Variants in TRAF5 observed in about 807,000 individuals in gnomAD.
TRAF5 encodes the protein TNF receptor associated factor 5, also known as TNF receptor-associated factor 5.
In TRAF5, 48 loss-of-function variants were observed where a neutral mutation model predicts 64.5. The observed-to-expected ratio is 0.74, with a 90% confidence interval of 0.59 to 0.95. The LOEUF is 0.95. Among genes scored for constraint, TRAF5 ranks in the 40% least tolerant of loss-of-function variants. The pLI is 0.00. For synonymous variants in TRAF5, 206 were observed against 240.5 expected (o/e 0.86, Z 1.33); for missense variants, 545 against 662.8 (o/e 0.82, Z 1.95).
chr1:211,353,191 T>C, intron 1 of TRAF5, 48 bp from the exon 2 acceptor site: 2 of 1,559,670 alleles, frequency 1.3e-6, no homozygotes, highest in Non-Finnish European at 8.8e-7. Flanking sequence ...TGTGGTTGTT[T>C]CAGTGTTTGC....
chr1:211,351,110 T>C (rs542103621), intron 1 of TRAF5, among the ~76,000 whole-genome samples: 84 of 146,202 alleles, frequency 5.7e-4, no homozygotes, highest in African/African-American at 2.0e-3. Context: ...CACTGCAATC[T>C]CTGCCTCCTG....
intron 1 of TRAF5, among the ~76,000 whole-genome samples, chr1:211,349,602 T>TG (rs913636840): frequency 7.3e-4 from 111 of 152,250 alleles, no homozygotes; most frequent in African/African-American, 2.5e-3. Flanking sequence ...ATACGAATTT[T>TG]GGGGGGGACA....
At chr1:211,364,120 A>G (rs751076787) in intron 7 of TRAF5, among the ~76,000 whole-genome samples, 1 of 152,144 alleles carries the variant, frequency 6.6e-6, no homozygotes, top group Non-Finnish European at 1.5e-5. Flanking sequence ...TTGATGATAA[A>G]TATTTAGTTA....
intron 1 of TRAF5, among the ~76,000 whole-genome samples, chr1:211,336,684 G>C (rs1702302199): frequency 6.6e-6 from 1 of 152,188 alleles, no homozygotes; most frequent in African/African-American, 2.4e-5. Context: ...TTTTGAGACG[G>C]AGTCTTGCTC....
At chr1:211,343,096 A>C (rs905037925) in intron 1 of TRAF5, among the ~76,000 whole-genome samples, 19 of 152,208 alleles carry the variant, frequency 1.2e-4, no homozygotes, top group African/African-American at 4.3e-4. Flanking sequence ...ACTAATTTAC[A>C]TTCCTACCAA....
intron 1 of TRAF5, among the ~76,000 whole-genome samples, chr1:211,344,159 G>A (rs1170481566): frequency 6.6e-6 from 1 of 152,128 alleles, no homozygotes; most frequent in African/African-American, 2.4e-5. Flanking sequence ...CTTTCGTCAG[G>A]CCAGCATGGG....
At position 211,364,368 on chromosome 1, in the gene TRAF5, A is replaced by T. The variant is rs1703279670; in HGVS notation, c.697-1008A>T. Among the ~76,000 whole-genome samples the T allele has an allele frequency of 2.6e-5, 4 of 152,174 alleles. No individual in the cohort carries two copies. In the South Asian group the frequency reaches 8.3e-4, roughly 32 times the overall value. On this transcript the variant is annotated intron_variant, in intron 7 of 10. Coordinates refer to ENST00000261464, the MANE Select transcript of TRAF5 (RefSeq NM_001033910.3). ...GCAGCATGGAAATGTGCTTGACAGGAGGAAGAACTAGCGTTGACTTAAAAC... is the reference window on the plus strand; with the variant it reads ...GCAGCATGGAAATGTGCTTGACAGGTGGAAGAACTAGCGTTGACTTAAAAC...
intron 1 of TRAF5, 130 bp downstream of exon 1, chr1:211,327,019 C>T: frequency 1.2e-6 from 1 of 811,326 alleles, no homozygotes. Context: ...CCGGCCGGTC[C>T]CCGACCGGCG....
At chr1:211,353,182 G>A in intron 1 of TRAF5, 57 bp from the exon 2 acceptor site, 1 of 1,481,546 alleles carries the variant, frequency 6.7e-7, no homozygotes, top group Non-Finnish European at 9.4e-7. Flanking sequence ...TCTGATGGCT[G>A]TGGTTGTTTC....
chr1:211,327,872 GACCCA>G (rs1312594778), intron 1 of TRAF5, among the ~76,000 whole-genome samples: 31 of 152,348 alleles, frequency 2.0e-4, no homozygotes, highest in Middle Eastern at 3.4e-3. Context: ...CTTGGGCTCT[GACCCA>G]CCTCCTGTGA....
Position 211,347,162 on chromosome 1 carries a change from G to A in TRAF5, c.-1-6077G>A, listed in dbSNP as rs183620200. ...TGTTACGTAAGCTGTTATACACAGA[G>A]GGGAAAGATTTTAATAAAATGGAGT... is the stretch of plus-strand genomic sequence containing the variant. On this transcript the variant is annotated intron_variant, in intron 1 of 10. Coordinates refer to ENST00000261464, the MANE Select transcript of TRAF5 (RefSeq NM_001033910.3). Among the ~76,000 whole-genome samples the A allele has an allele frequency of 4.1e-4, 62 of 152,252 alleles. No homozygotes were observed. The East Asian group carries it at 0.011, about 28-fold the overall frequency.
At chr1:211,361,967 G>A in intron 7 of TRAF5, among the ~76,000 whole-genome samples, 1 of 152,072 alleles carries the variant, frequency 6.6e-6, no homozygotes, top group East Asian at 1.9e-4. Flanking sequence ...AAAGTGCTGG[G>A]ATTACAGCAC....
At chr1:211,365,874 T>C (rs554553860) in intron 8 of TRAF5, among the ~76,000 whole-genome samples, 14 of 152,344 alleles carry the variant, frequency 9.2e-5, no homozygotes, top group Admixed American at 8.5e-4. Context: ...TTCAGTTAAA[T>C]TAATATTACT....
chr1:211,343,845 G>A (rs1366779411), intron 1 of TRAF5, among the ~76,000 whole-genome samples: 4 of 152,130 alleles, frequency 2.6e-5, no homozygotes, highest in Admixed American at 2.6e-4. Flanking sequence ...CTGGCCTGGG[G>A]ACTAATGGGA....
At chr1:211,365,162 G>A (rs1368402304) in intron 7 of TRAF5, among the ~76,000 whole-genome samples, 2 of 151,646 alleles carry the variant, frequency 1.3e-5, no homozygotes, top group Non-Finnish European at 1.5e-5. Flanking sequence ...AACAGAGCAG[G>A]CTGTCTCAAA....
At chr1:211,336,303 C>A (rs1173745977) in intron 1 of TRAF5, among the ~76,000 whole-genome samples, 2 of 152,200 alleles carry the variant, frequency 1.3e-5, no homozygotes, top group African/African-American at 2.4e-5. Context: ...TGCCTGCTAC[C>A]CTTGGGCTAA....
chr1:211,369,755 T>C (rs566258227), intron 9 of TRAF5, among the ~76,000 whole-genome samples, 163 bp downstream of exon 9: 1 of 152,348 alleles, frequency 6.6e-6, no homozygotes, highest in East Asian at 1.9e-4. Context: ...GATTCACTCA[T>C]GGCCAACATT....
At chr1:211,346,831 A>G (rs1222932630) in intron 1 of TRAF5, among the ~76,000 whole-genome samples, 1 of 152,250 alleles carries the variant, frequency 6.6e-6, no homozygotes, top group Non-Finnish European at 1.5e-5. Flanking sequence ...GGTGGCATCC[A>G]CAGCTTTCCT....
At chr1:211,329,535 GGC>G (rs910566394) in intron 1 of TRAF5, among the ~76,000 whole-genome samples, 2 of 152,166 alleles carry the variant, frequency 1.3e-5, no homozygotes, top group Non-Finnish European at 2.9e-5. Flanking sequence ...GTAGGGATGG[GGC>G]AGGACCTAAT....
Sources: gnomAD v4.1 joint callset for allele counts (sites outside exome capture counted in the v4.1 genomes callset) on GRCh38, gnomAD v4.1.1 for gene constraint, MANE v1.5 for transcripts, NCBI Gene and HGNC (gene_info 2026-07-23, HGNC 2026-07-21) for gene names.